TTLL11: variants seen among roughly 807,000 people sequenced by gnomAD.
The protein encoded by TTLL11 is tubulin tyrosine ligase like 11.
Under a neutral mutation model 51.7 loss-of-function variants are expected in TTLL11, and 42 were observed. The ratio of observed to expected loss-of-function variants is 0.81; its 90% CI spans 0.64 to 1.05. The LOEUF is 1.05. Ranked by LOEUF, TTLL11 falls within the 50% of genes least tolerant of loss-of-function variation. The pLI, the probability that TTLL11 is intolerant of heterozygous loss-of-function variation, is 0.00. For missense variants in TTLL11, 799 were observed against 940.4 expected, an observed-to-expected ratio of 0.85 and a Z score of 1.97; for synonymous variants, 381 against 383.5, an observed-to-expected ratio of 0.99 and a Z score of 0.08.
At chr9:122,009,814 T>C (rs1274343154) in intron 3 of TTLL11, among the ~76,000 whole-genome samples, 2 of 152,062 alleles carry the variant, frequency 1.3e-5, no homozygotes, top group African/African-American at 4.8e-5. Flanking sequence ...TATGAATCCA[T>C]TCCATGATTT....
At chr9:121,961,525 C>T (rs576078084) in intron 6 of TTLL11, among the ~76,000 whole-genome samples, 3 of 152,286 alleles carry the variant, frequency 2.0e-5, no homozygotes, top group Non-Finnish European at 4.4e-5. Context: ...TCCCAACCCT[C>T]ACCCACTCCA....
intron 6 of TTLL11, among the ~76,000 whole-genome samples, chr9:121,967,929 T>A (rs1463577595): frequency 6.6e-6 from 1 of 152,140 alleles, no homozygotes; most frequent in African/African-American, 2.4e-5. Context: ...TCAGATGAAA[T>A]ATCCAGGATA....
At chr9:122,019,069 C>T (rs1295730680) in intron 3 of TTLL11, among the ~76,000 whole-genome samples, 1 of 152,228 alleles carries the variant, frequency 6.6e-6, no homozygotes, top group Non-Finnish European at 1.5e-5. Context: ...CCTGAAAGCA[C>T]CAAGTCTGCC....
In TTLL11 at chr9:121,817,834, G is replaced by A. The variant is rs901310963; in HGVS notation, c.*4753C>T. 2.0e-5 allele frequency: 3 copies of A among 152,244 alleles called. No individual in the cohort carries two copies. Among genetic ancestry groups the A allele is most frequent in the Non-Finnish European group, 4.4e-5 (3 of 68,078 alleles). 9.4% of individuals were successfully genotyped at this position (152,244 alleles called of 1,614,324 possible). ...CCTTGGTCAGTCACTAAGCCTCCTGGAAGCCACTTCCCTGCCTGGGAAAAC... is the reference window on the plus strand; with the variant it reads ...CCTTGGTCAGTCACTAAGCCTCCTGAAAGCCACTTCCCTGCCTGGGAAAAC... On this transcript the variant is annotated 3_prime_UTR_variant, in exon 9 of 9. Transcript: ENST00000321582.
intron 3 of TTLL11, among the ~76,000 whole-genome samples, chr9:122,012,399 C>T (rs1164865025): frequency 6.6e-6 from 1 of 151,966 alleles, no homozygotes; most frequent in East Asian, 1.9e-4. Context: ...GTTTACTTCT[C>T]CTACTTTTTC....
chr9:121,978,531 T>C lies in TTLL11; in HGVS notation c.1270-3552A>G, dbSNP rs568454200. Among the ~76,000 whole-genome samples, 4 of 152,184 alleles carry C rather than the reference T, an allele frequency of 2.6e-5. No individual in the cohort carries two copies. In the East Asian group the frequency reaches 7.7e-4, roughly 29 times the overall value. ...TTTGTGCAGACAAGGAATGTGCAGCTTAGCATGGGGAAAGCCTCTTTCCAA... is the reference window on the plus strand; with the variant it reads ...TTTGTGCAGACAAGGAATGTGCAGCCTAGCATGGGGAAAGCCTCTTTCCAA... On this transcript the variant is annotated intron_variant, in intron 4 of 8. Transcript: ENST00000321582.
At chr9:122,020,292 T>C (rs1032174900) in intron 3 of TTLL11, among the ~76,000 whole-genome samples, 3 of 152,210 alleles carry the variant, frequency 2.0e-5, no homozygotes, top group Non-Finnish European at 4.4e-5. Flanking sequence ...GTGTCACCAC[T>C]ACTCAGGAAG....
At chr9:121,896,736 C>T (rs1839540269) in intron 6 of TTLL11, among the ~76,000 whole-genome samples, 1 of 152,052 alleles carries the variant, frequency 6.6e-6, no homozygotes, top group Non-Finnish European at 1.5e-5. Flanking sequence ...GGAAGCACCT[C>T]CTTCACCCGC....
At chr9:121,920,849 T>A (rs73546455) in intron 6 of TTLL11, among the ~76,000 whole-genome samples, 7,512 of 152,292 alleles carry the variant, frequency 0.049, 479 homozygotes, top group African/African-American at 0.15. Context: ...GGAATTGTTC[T>A]CAAAGAGGGA....
chr9:122,025,990 A>T (rs1246680274), intron 3 of TTLL11, among the ~76,000 whole-genome samples: 2 of 152,212 alleles, frequency 1.3e-5, no homozygotes, highest in East Asian at 3.8e-4. Context: ...AATATGGATG[A>T]ATCTCAAAAT....
At chr9:122,061,307 G>C (rs1845427179) in intron 1 of TTLL11, among the ~76,000 whole-genome samples, 1 of 152,184 alleles carries the variant, frequency 6.6e-6, no homozygotes, top group African/African-American at 2.4e-5. Flanking sequence ...ATACTGGTTA[G>C]GGCTTGGACA....
rs567308914 is a variant in TTLL11 at position 121,914,124 on chromosome 9, C to T, written c.1482-43376G>A. On this transcript the variant is annotated intron_variant, in intron 6 of 8. Transcript: ENST00000321582. The stretch of plus-strand genomic sequence containing the variant: ...GACAGCCTGCTCTTGTTCTATCCCC[C>T]ATAGTATATGAAGGAGTTGACAAGC... Among the ~76,000 whole-genome samples the T allele has an allele frequency of 2.0e-5, 3 of 152,344 alleles. No homozygotes were observed. The South Asian group carries it at 6.2e-4, about 32-fold the overall frequency.
At chr9:121,839,977 G>A (rs529106598) in intron 8 of TTLL11, among the ~76,000 whole-genome samples, 10 of 152,328 alleles carry the variant, frequency 6.6e-5, no homozygotes, top group Non-Finnish European at 1.3e-4. Flanking sequence ...CTCACATTAA[G>A]AATGTCACGT....
chr9:121,933,414 T>C (rs987518144), intron 6 of TTLL11, among the ~76,000 whole-genome samples: 1 of 152,070 alleles, frequency 6.6e-6, no homozygotes, highest in African/African-American at 2.4e-5. Flanking sequence ...GAGTAACTGA[T>C]GGAGTAATGG....
At chr9:122,009,064 C>T (rs945517123) in intron 3 of TTLL11, among the ~76,000 whole-genome samples, 1 of 152,108 alleles carries the variant, frequency 6.6e-6, no homozygotes, top group African/African-American at 2.4e-5. Context: ...TCAAAGGATA[C>T]AAAATTTCAG....
At chr9:122,032,953 C>G (rs1236803112) in intron 2 of TTLL11, among the ~76,000 whole-genome samples, 1 of 151,860 alleles carries the variant, frequency 6.6e-6, no homozygotes, top group Non-Finnish European at 1.5e-5. Flanking sequence ...TGCCACCATG[C>G]CCGGCTAATT....
chr9:121,878,565 C>T (rs895973441), intron 6 of TTLL11, among the ~76,000 whole-genome samples: 7 of 152,120 alleles, frequency 4.6e-5, no homozygotes, highest in Admixed American at 1.3e-4. Context: ...GGCCAGGCGA[C>T]GCATTAACTG....
intron 6 of TTLL11, among the ~76,000 whole-genome samples, chr9:121,887,745 C>T (rs1383646030): frequency 6.6e-6 from 1 of 152,192 alleles, no homozygotes; most frequent in East Asian, 1.9e-4. Context: ...CTTCAAGATC[C>T]CCCATGAAGA....
chr9:122,009,229 T>A (rs967392657), intron 3 of TTLL11, among the ~76,000 whole-genome samples: 1 of 152,212 alleles, frequency 6.6e-6, no homozygotes, highest in East Asian at 1.9e-4. Context: ...GTAATCTGCA[T>A]GTTAATTAGC....
Sources: gnomAD v4.1 joint callset for allele counts (sites outside exome capture counted in the v4.1 genomes callset) on GRCh38, gnomAD v4.1.1 for gene constraint, MANE v1.5 for transcripts, NCBI Gene and HGNC (gene_info 2026-07-23, HGNC 2026-07-21) for gene names.